Variants in THBS2 observed in about 807,000 individuals in gnomAD.
THBS2 encodes thrombospondin-2.
A neutral mutation model predicts 135.2 loss-of-function variants in THBS2; 47 were observed. The ratio of observed to expected loss-of-function variants is 0.35; its 90% CI spans 0.28 to 0.44. The LOEUF (loss-of-function observed/expected upper bound fraction) is 0.44, where lower values mean the gene tolerates loss of function less well. Among genes scored for constraint, THBS2 ranks in the 20% least tolerant of loss-of-function variants. The pLI is 1.00. For missense variants in THBS2, 1,288 were observed against 1,603.1 expected (o/e 0.80, Z 3.36); for synonymous variants, 639 against 633.8 (o/e 1.01, Z -0.12).
intron 3 of THBS2, among the ~76,000 whole-genome samples, chr6:169,247,770 T>C (rs1583421724): frequency 2.0e-5 from 3 of 152,048 alleles, no homozygotes. Context: ...GTGGTGTGTG[T>C]GCATGTGTGG....
At chr6:169,244,819 C>A (rs537504854) in intron 4 of THBS2, among the ~76,000 whole-genome samples, 1 of 152,102 alleles carries the variant, frequency 6.6e-6, no homozygotes, top group African/African-American at 2.4e-5. Flanking sequence ...CAGTGAGGGT[C>A]GTGGTGGGGG....
rs201464733 is a variant in THBS2 at position 169,225,394 on chromosome 6, G to A, written c.2539-15C>T. On this transcript the variant is annotated splice_polypyrimidine_tract_variant and intron_variant, in intron 16 of 21. Coordinates refer to ENST00000617924, the MANE Select transcript of THBS2 (RefSeq NM_003247.5). ...TCCACGTCGGTCTAGGGGATGGGGC[G>A]TGAGAGAAACAGCAGAGGACTGCCA... The A allele has an allele frequency of 1.4e-4, 212 of 1,551,640 alleles. No homozygotes were observed. The highest frequency in any genetic ancestry group is 1.2e-3 in the East Asian group (51 of 41,014).
At position 169,220,212 on chromosome 6, in the gene THBS2, T is replaced by C; in HGVS notation, c.3497A>G (p.Lys1166Arg). The C allele has an allele frequency of 6.2e-7, 1 of 1,613,782 alleles. No homozygotes were observed. The highest frequency in any genetic ancestry group is 8.5e-7 in the Non-Finnish European group (1 of 1,179,850). Reference sequence around the variant, plus strand: ...CTCACACTCACCTCTGCATTCGTACTTGAGGTCTGAGAAATAGACCATTTC... The same window carrying C: ...CTCACACTCACCTCTGCATTCGTACCTGAGGTCTGAGAAATAGACCATTTC... ...SQEMVYFSDL[K>R]YECRDI The change falls in exon 21 of 22, where the codon AAG (lysine) becomes AGG (arginine). Residue 1166 changes from lysine (K) to arginine (R), a missense_variant. Coordinates refer to ENST00000617924, the MANE Select transcript of THBS2 (RefSeq NM_003247.5).
At chr6:169,230,500 C>T (rs749315900) in intron 13 of THBS2, among the ~76,000 whole-genome samples, 10 of 152,188 alleles carry the variant, frequency 6.6e-5, no homozygotes, top group Non-Finnish European at 1.5e-4. Context: ...GGACACGGAT[C>T]CCAGACGGGG....
intron 20 of THBS2, 24 bp downstream of exon 20, chr6:169,221,406 G>A: frequency 1.2e-6 from 2 of 1,606,124 alleles, no homozygotes; most frequent in South Asian, 2.2e-5. Flanking sequence ...TGGAAGAAAT[G>A]CAGCTGTGCT....
chr6:169,237,495 C>G, intron 8 of THBS2, 130 bp downstream of exon 8: 1 of 1,511,792 alleles, frequency 6.6e-7, no homozygotes, highest in South Asian at 1.1e-5. Flanking sequence ...AAGAGCCTCA[C>G]CTGGCTAGAA....
intron 9 of THBS2, among the ~76,000 whole-genome samples, chr6:169,236,601 TTCCCATCCACACTCGCCATCCACACTCAC>T (rs1583414158): frequency 1.1e-5 from 1 of 88,820 alleles, no homozygotes; most frequent in Non-Finnish European, 2.3e-5. Flanking sequence ...TCCACACTCA[TTCCCATCCACACTCGCCATCCACACTCAC>T]TCCCATCCAC....
intron 19 of THBS2, 65 bp downstream of exon 19, chr6:169,222,132 T>G (rs1779449314): frequency 6.6e-7 from 1 of 1,519,280 alleles, no homozygotes. Context: ...GGGCTAGTCC[T>G]GCTGAAACAC....
chr6:169,226,925 G>A (rs954999179), intron 15 of THBS2, among the ~76,000 whole-genome samples: 3 of 152,148 alleles, frequency 2.0e-5, no homozygotes, highest in Non-Finnish European at 4.4e-5. Flanking sequence ...GTGAGGTCTG[G>A]AGAAGGGAAG....
rs1779203747 is a variant in THBS2, at chr6:169,217,188, A to C, written c.*634T>G. The stretch of plus-strand genomic sequence containing the variant: ...AGGGCTTTCATTGTAGGACAAGAGG[A>C]GAGTTCGTTTATTTTTGTAACTGTT... On this transcript the variant is annotated 3_prime_UTR_variant, in exon 22 of 22. Coordinates refer to ENST00000617924, the MANE Select transcript of THBS2 (RefSeq NM_003247.5). The C allele has an allele frequency of 6.6e-6, 1 of 152,284 alleles. No homozygotes were observed. Among genetic ancestry groups the C allele is most frequent in the Admixed American group, 6.5e-5 (1 of 15,286 alleles). 9.4% of individuals were successfully genotyped at this position (152,284 alleles called of 1,614,324 possible).
intron 4 of THBS2, among the ~76,000 whole-genome samples, chr6:169,243,721 A>G (rs940180548): frequency 6.3e-4 from 96 of 152,340 alleles, no homozygotes; most frequent in African/African-American, 2.2e-3. Context: ...TCATTCCTCT[A>G]AAAGTTAAAC....
chr6:169,235,106 T>C (rs1005280298), intron 9 of THBS2, among the ~76,000 whole-genome samples, 199 bp from the exon 10 acceptor site: 1 of 152,032 alleles, frequency 6.6e-6, no homozygotes, highest in Non-Finnish European at 1.5e-5. Flanking sequence ...ATTCCGGGAG[T>C]GACTCAGAAG....
chr6:169,240,318 T>C, intron 6 of THBS2, 134 bp downstream of exon 6: 1 of 1,245,388 alleles, frequency 8.0e-7, no homozygotes, highest in South Asian at 1.6e-5. Context: ...CTGTGTTTCT[T>C]ACACTGAAAT....
At position 169,223,158 on chromosome 6, in the gene THBS2, AC is replaced by A; in HGVS notation, c.3001+89del. 2.4e-6 allele frequency: 3 copies of A among 1,226,606 alleles called. No homozygotes were observed. In the South Asian group the frequency reaches 4.4e-5, roughly 18 times the overall value. 76.0% of individuals were successfully genotyped at this position (1,226,606 alleles called of 1,614,324 possible). A position where few individuals can be genotyped will look rare whatever the true frequency, so the allele number is the denominator to read the frequency against. On this transcript the variant is annotated intron_variant, in intron 18 of 21. Transcript: ENST00000617924. Reference sequence around the variant, plus strand: ...TTCCAGAAAGACCACATGGCATCCCACCTGCATGATCTTAAAGTGCAGTCTG... The same window carrying A: ...TTCCAGAAAGACCACATGGCATCCCACTGCATGATCTTAAAGTGCAGTCTG...
intron 4 of THBS2, among the ~76,000 whole-genome samples, chr6:169,242,422 C>G (rs547733145): frequency 1.9e-4 from 28 of 151,132 alleles, no homozygotes; most frequent in Admixed American, 5.3e-4. Flanking sequence ...ACTCTTCATC[C>G]TTTTTTTTTC....
chr6:169,231,002 T>G (rs1303660667), intron 13 of THBS2, among the ~76,000 whole-genome samples: 6 of 152,238 alleles, frequency 3.9e-5, no homozygotes, highest in Non-Finnish European at 8.8e-5. Flanking sequence ...CTGACCTTCT[T>G]AAGGCATAAA....
In THBS2 at chr6:169,248,982, G is replaced by A; in HGVS notation, c.53-9C>T. The A allele has an allele frequency of 6.3e-7, 1 of 1,590,432 alleles. No individual in the cohort carries two copies. Among genetic ancestry groups the A allele is most frequent in the Non-Finnish European group, 8.6e-7 (1 of 1,165,390 alleles). ...TTTGTCCTGGTGACCAGCTGCAAAG[G>A]GAACCGCAGTGGAGAAGGGTGACGT... On this transcript the variant is annotated splice_polypyrimidine_tract_variant and intron_variant, in intron 2 of 21. Coordinates refer to ENST00000617924, the MANE Select transcript of THBS2 (RefSeq NM_003247.5).
chr6:169,220,446 G>T, intron 20 of THBS2, 109 bp from the exon 21 acceptor site: 2 of 1,382,550 alleles, frequency 1.4e-6, no homozygotes, highest in Non-Finnish European at 2.0e-6. Flanking sequence ...TGGATACTCC[G>T]CCCAGGGCTT....
chr6:169,248,347 C>T lies in THBS2; in HGVS notation c.609+70G>A, dbSNP rs574725021. On this transcript the variant is annotated intron_variant, in intron 3 of 21. Coordinates refer to ENST00000617924, the MANE Select transcript of THBS2 (RefSeq NM_003247.5). ...CCTGCTCAAGCATCGCATCACCAGACGCATTAGCAGATCAGTTCCCAGCTA... is the reference window on the plus strand; with the variant it reads ...CCTGCTCAAGCATCGCATCACCAGATGCATTAGCAGATCAGTTCCCAGCTA... The T allele has an allele frequency of 1.3e-4, 190 of 1,495,256 alleles. No individual in the cohort carries two copies. In the East Asian group the frequency reaches 4.2e-3, roughly 33 times the overall value. 92.6% of individuals were successfully genotyped at this position (1,495,256 alleles called of 1,614,324 possible).
Sources: allele counts gnomAD v4.1 joint callset (sites outside exome capture counted in the v4.1 genomes callset), GRCh38; gene constraint gnomAD v4.1.1; transcripts MANE v1.5; gene names NCBI Gene and HGNC (gene_info 2026-07-23, HGNC 2026-07-21).